UBE2N: variants seen among roughly 807,000 people sequenced by gnomAD.
The protein encoded by UBE2N is ubiquitin-conjugating enzyme E2 N.
For missense variants in UBE2N, 60 were observed against 192.1 expected (o/e 0.31, Z 4.07); for synonymous variants, 70 against 69.2 (o/e 1.01, Z -0.06).
chr12:93,427,344 A>G (rs1454297199), intron 1 of UBE2N, among the ~76,000 whole-genome samples: 1 of 152,226 alleles, frequency 6.6e-6, no homozygotes. Flanking sequence ...CCTATCTCCT[A>G]AAAATTCTAC....
At chr12:93,426,544 CAA>C (rs1009386193) in intron 1 of UBE2N, among the ~76,000 whole-genome samples, 2 of 152,054 alleles carry the variant, frequency 1.3e-5, no homozygotes, top group African/African-American at 4.8e-5. Flanking sequence ...TTAATCAAAA[CAA>C]GAGCTAAAAA....
Position 93,440,946 on chromosome 12 carries a change from A to C in UBE2N, c.30+909T>G, listed in dbSNP as rs563087501. On this transcript the variant is annotated intron_variant, in intron 1 of 3. Coordinates refer to ENST00000318066, the MANE Select transcript of UBE2N (RefSeq NM_003348.4). The stretch of plus-strand genomic sequence containing the variant: ...GGCAAAAGATTTCACGAGATCCCCC[A>C]CAGAGGCCAAGGTAGGAAGATCTCT... Among the ~76,000 whole-genome samples the C allele has an allele frequency of 5.7e-3, 869 of 151,752 alleles. 6 individuals carry two copies. Among genetic ancestry groups the C allele is most frequent in the African/African-American group, 0.02 (825 of 41,044 alleles).
intron 1 of UBE2N, among the ~76,000 whole-genome samples, chr12:93,425,166 C>T (rs947960355): frequency 6.6e-6 from 1 of 152,126 alleles, no homozygotes; most frequent in Non-Finnish European, 1.5e-5. Flanking sequence ...GATAAAGAAG[C>T]AGAGAGGTCA....
At chr12:93,429,374 C>G (rs1354808366) in intron 1 of UBE2N, 1 of 401,742 alleles carries the variant, frequency 2.5e-6, no homozygotes, top group African/African-American at 2.1e-5. Flanking sequence ...AAAAAATTCT[C>G]GTTTAAAATT....
chr12:93,431,911 C>T (rs1878782641), intron 1 of UBE2N, among the ~76,000 whole-genome samples: 2 of 152,162 alleles, frequency 1.3e-5, no homozygotes, highest in South Asian at 4.1e-4. Flanking sequence ...CTTCTCTTGG[C>T]CCAGCAAACT....
chr12:93,412,943 C>A (rs1878072316), intron 1 of UBE2N, among the ~76,000 whole-genome samples: 1 of 152,186 alleles, frequency 6.6e-6, no homozygotes, highest in Non-Finnish European at 1.5e-5. Flanking sequence ...AATGTTTGCA[C>A]AGGTCTTCGA....
At chr12:93,418,339 G>A (rs1031479275) in intron 1 of UBE2N, among the ~76,000 whole-genome samples, 5 of 152,036 alleles carry the variant, frequency 3.3e-5, no homozygotes, top group African/African-American at 9.7e-5. Context: ...ACCCCAGCCT[G>A]GGCGATAGTG....
rs570343991 is a variant in UBE2N at position 93,430,551 on chromosome 12, A to G, written c.30+11304T>C. Among the ~76,000 whole-genome samples, 31 of 152,146 alleles carry G rather than the reference A, an allele frequency of 2.0e-4. 1 individual carries two copies. In the South Asian group the frequency reaches 4.6e-3, roughly 22 times the overall value. ...CCATCTTAAAGTGAACTATGTTACT[A>G]AACAGGGTCTCATGTTTGTAGGAAA... On this transcript the variant is annotated intron_variant, in intron 1 of 3. Transcript: ENST00000318066.
intron 1 of UBE2N, among the ~76,000 whole-genome samples, chr12:93,427,691 A>C (rs765942259): frequency 6.6e-6 from 1 of 152,182 alleles, no homozygotes; most frequent in Non-Finnish European, 1.5e-5. Flanking sequence ...TACTTTGTGA[A>C]TACATGAAAA....
intron 1 of UBE2N, among the ~76,000 whole-genome samples, chr12:93,424,617 C>A (rs911520779): frequency 2.6e-5 from 4 of 152,186 alleles, no homozygotes; most frequent in Non-Finnish European, 5.9e-5. Flanking sequence ...TCTCTCAGGG[C>A]TAACCATACC....
At chr12:93,415,678 C>G (rs2121063025) in intron 1 of UBE2N, among the ~76,000 whole-genome samples, 1 of 152,216 alleles carries the variant, frequency 6.6e-6, no homozygotes, top group East Asian at 1.9e-4. Flanking sequence ...ATTCTGGGCT[C>G]TCCTCACCTC....
intron 1 of UBE2N, among the ~76,000 whole-genome samples, chr12:93,417,021 A>T (rs902866766): frequency 6.6e-6 from 1 of 152,204 alleles, no homozygotes; most frequent in Non-Finnish European, 1.5e-5. Context: ...GCCATGCATA[A>T]TAGAAAGCAC....
intron 1 of UBE2N, among the ~76,000 whole-genome samples, chr12:93,429,774 A>G (rs1277632909): frequency 1.3e-5 from 2 of 152,120 alleles, no homozygotes; most frequent in Non-Finnish European, 2.9e-5. Context: ...TTTTCACAAA[A>G]AAGTTTTTTT....
At chr12:93,416,753 A>C (rs531562722) in intron 1 of UBE2N, among the ~76,000 whole-genome samples, 249 of 150,454 alleles carry the variant, frequency 1.7e-3, no homozygotes, top group Non-Finnish European at 3.0e-3. Context: ...CATGGTTCAC[A>C]CCTGTAATCC....
intron 1 of UBE2N, among the ~76,000 whole-genome samples, chr12:93,412,269 T>G (rs1003252945): frequency 1.3e-5 from 2 of 152,180 alleles, no homozygotes; most frequent in African/African-American, 4.8e-5. Flanking sequence ...TCCATCCCCA[T>G]CCTCACTTGT....
chr12:93,435,417 T>G (rs6538418), intron 1 of UBE2N, among the ~76,000 whole-genome samples: 150,929 of 152,226 alleles, frequency 0.99, 74,832 homozygotes, highest in East Asian at 1. Flanking sequence ...AGGTTGCAGT[T>G]AGCCGAGATC....
chr12:93,425,261 T>G (rs1878545341), intron 1 of UBE2N, among the ~76,000 whole-genome samples: 1 of 152,196 alleles, frequency 6.6e-6, no homozygotes, highest in Admixed American at 6.5e-5. Flanking sequence ...CTGCCATACA[T>G]AAACATACAT....
intron 1 of UBE2N, among the ~76,000 whole-genome samples, chr12:93,435,679 C>T (rs950666620): frequency 5.3e-5 from 8 of 151,996 alleles, no homozygotes; most frequent in Admixed American, 4.6e-4. Flanking sequence ...AAAAAAATAC[C>T]TTATGCACTA....
chr12:93,432,162 G>A (rs1878790413), intron 1 of UBE2N, among the ~76,000 whole-genome samples: 2 of 152,130 alleles, frequency 1.3e-5, no homozygotes, highest in Non-Finnish European at 2.9e-5. Flanking sequence ...AACCCGGGAG[G>A]CAGAGGTTGC....
Sources: gnomAD v4.1 joint callset for allele counts (sites outside exome capture counted in the v4.1 genomes callset) on GRCh38, gnomAD v4.1.1 for gene constraint, MANE v1.5 for transcripts, NCBI Gene and HGNC (gene_info 2026-07-23, HGNC 2026-07-21) for gene names.